The following PLAAT5 variants were observed in gnomAD, a reference collection of about 807,000 sequenced individuals.
The protein encoded by PLAAT5 is Ca(2+)-independent N-acyltransferase.
In PLAAT5, 27 loss-of-function variants were observed where a neutral mutation model predicts 27.8. That is an observed-to-expected ratio of 0.97 (90% confidence interval 0.72 to 1.34). PLAAT5 has a LOEUF of 1.34. Among genes scored for constraint, PLAAT5 ranks in the 40% most tolerant of loss-of-function variants. The pLI is 0.00. For synonymous variants in PLAAT5, 125 were observed against 136.1 expected, an observed-to-expected ratio of 0.92 and a Z score of 0.57; for missense variants, 368 against 343.8, an observed-to-expected ratio of 1.07 and a Z score of -0.56.
At chr11:63,470,341 C>A (rs534357133) in intron 3 of PLAAT5, 218 of 164,688 alleles carry the variant, frequency 1.3e-3, no homozygotes, top group Non-Finnish European at 1.4e-3. Context: ...TGGAGAAAAA[C>A]CCTACAAATG....
At chr11:63,476,765 A>AT (rs997898707) in intron 3 of PLAAT5, among the ~76,000 whole-genome samples, 1 of 151,934 alleles carries the variant, frequency 6.6e-6, no homozygotes, top group Admixed American at 6.6e-5. Flanking sequence ...TTATATAGGT[A>AT]TTTTTTTCTG....
intron 3 of PLAAT5, among the ~76,000 whole-genome samples, chr11:63,468,908 T>C (rs2015938043): frequency 6.6e-6 from 1 of 151,880 alleles, no homozygotes; most frequent in African/African-American, 2.4e-5. Context: ...TGTGTGGACA[T>C]CTAGTAGAGT....
chr11:63,479,268 TGAA>T (rs1394784433), intron 3 of PLAAT5, among the ~76,000 whole-genome samples: 1 of 152,250 alleles, frequency 6.6e-6, no homozygotes, highest in African/African-American at 2.4e-5. Flanking sequence ...TCTCGTCCTT[TGAA>T]GAAGACTAAA....
chr11:63,480,139 C>T (rs1001279685), intron 3 of PLAAT5, among the ~76,000 whole-genome samples: 10 of 152,194 alleles, frequency 6.6e-5, no homozygotes, highest in Non-Finnish European at 1.5e-4. Flanking sequence ...CATCCCTCCA[C>T]CTTGGACATA....
chr11:63,465,194 G>T (rs753739372), intron 5 of PLAAT5, among the ~76,000 whole-genome samples: 1 of 151,930 alleles, frequency 6.6e-6, no homozygotes. Context: ...CAGGAGAATC[G>T]CTTGAACCCA....
chr11:63,477,768 C>T (rs528430385), intron 3 of PLAAT5, among the ~76,000 whole-genome samples: 26 of 152,186 alleles, frequency 1.7e-4, no homozygotes, highest in South Asian at 1.0e-3. Context: ...CCACAGTGCC[C>T]GGCTTCTTGT....
Position 63,462,099 on chromosome 11 carries a change from C to A in PLAAT5, c.*1404G>T, listed in dbSNP as rs745831455. On this transcript the variant is annotated 3_prime_UTR_variant, in exon 6 of 6. Transcript: ENST00000540857. ...GAAAGATTAATATGGTCAATGAGCTCAAAGTCATCTTCAGATTAAAGCATT... is the reference window on the plus strand; with the variant it reads ...GAAAGATTAATATGGTCAATGAGCTAAAAGTCATCTTCAGATTAAAGCATT... 1.3e-5 allele frequency: 2 copies of A among 152,132 alleles called. No homozygotes were observed. The highest frequency in any genetic ancestry group is 1.3e-4 in the Admixed American group (2 of 15,272). 9.4% of individuals were successfully genotyped at this position (152,132 alleles called of 1,614,324 possible).
chr11:63,484,096 ACT>A (rs925663225), intron 3 of PLAAT5, among the ~76,000 whole-genome samples: 16 of 150,484 alleles, frequency 1.1e-4, no homozygotes, highest in African/African-American at 3.9e-4. Flanking sequence ...AGAAATAGAA[ACT>A]CTGAACAGAC....
intron 3 of PLAAT5, among the ~76,000 whole-genome samples, chr11:63,482,305 A>G (rs1310200319): frequency 6.6e-6 from 1 of 152,242 alleles, no homozygotes; most frequent in Non-Finnish European, 1.5e-5. Context: ...ATCCAGGCAC[A>G]TAGTCATCAT....
chr11:63,463,541 C>T lies in PLAAT5; in HGVS notation c.772G>A (p.Val258Ile). 6.2e-7 allele frequency: 1 copy of T among 1,613,892 alleles called. No individual in the cohort carries two copies. Among genetic ancestry groups the T allele is most frequent in the Non-Finnish European group, 8.5e-7 (1 of 1,180,000 alleles). ...AKAAGAVISA[V>I]VDSIKPKPIT... is the part of the protein sequence containing the mutation. ...GGTTTGGGCTTTATGCTATCCACTA[C>T]AGCTGAAATAACTGCTCCAGCAGCC... Residue 258 changes from valine (V) to isoleucine (I), a missense_variant, in exon 6 of 6, where the codon GTA (valine) becomes ATA (isoleucine). Transcript: ENST00000540857.
intron 3 of PLAAT5, among the ~76,000 whole-genome samples, chr11:63,477,681 G>A (rs2016184816): frequency 6.6e-6 from 1 of 152,014 alleles, no homozygotes; most frequent in African/African-American, 2.4e-5. Context: ...CACCATGTTG[G>A]CGAGGCTGGT....
intron 3 of PLAAT5, chr11:63,470,511 T>C (rs2015994822): frequency 6.5e-6 from 1 of 154,566 alleles, no homozygotes; most frequent in Non-Finnish European, 1.5e-5. Context: ...ATCTGAAAAA[T>C]GTGGAAAAGC....
chr11:63,479,252 G>A (rs1280950859), intron 3 of PLAAT5, among the ~76,000 whole-genome samples: 1 of 152,206 alleles, frequency 6.6e-6, no homozygotes, highest in Admixed American at 6.5e-5. Flanking sequence ...GTGGAGGAGA[G>A]CTCTTTCTCG....
intron 1 of PLAAT5, chr11:63,490,677 C>T: frequency 3.2e-6 from 2 of 623,246 alleles, no homozygotes; most frequent in East Asian, 2.8e-5. Flanking sequence ...GCCTCACTTC[C>T]ATATGAGATA....
At chr11:63,478,561 C>T (rs1276624023) in intron 3 of PLAAT5, among the ~76,000 whole-genome samples, 3 of 152,202 alleles carry the variant, frequency 2.0e-5, no homozygotes, top group Non-Finnish European at 4.4e-5. Context: ...GACCTGCCCG[C>T]CTTGGCCTCC....
intron 3 of PLAAT5, among the ~76,000 whole-genome samples, chr11:63,486,805 T>C (rs1169532466): frequency 1.3e-5 from 2 of 152,036 alleles, no homozygotes; most frequent in South Asian, 2.1e-4. Context: ...CCCAAAACTA[T>C]TGAAATAAAA....
intron 3 of PLAAT5, 88 bp downstream of exon 3, chr11:63,488,783 C>T (rs2016495576): frequency 1.2e-6 from 1 of 806,560 alleles, no homozygotes; most frequent in East Asian, 2.7e-5. Context: ...AAAGATTGGA[C>T]ACCCCTAGAA....
Position 63,490,999 on chromosome 11 carries a change from C to G in PLAAT5, c.36G>C (p.Ala12=), listed in dbSNP as rs1373762012. ...GTGGGGGAATCCTAGGGAGGCGGAG[C>G]GCGTACTCCCCCTCGGCGCCCGGGC... The part of the protein sequence containing the change: ...GLSPGAEGEY[A]LRLPRIPPPL... Residue 12 remains alanine (A), a synonymous_variant, in exon 1 of 6, where the codon GCG becomes GCC. Transcript: ENST00000540857. The G allele has an allele frequency of 6.5e-7, 1 of 1,539,060 alleles. No individual in the cohort carries two copies. Among genetic ancestry groups the G allele is most frequent in the Non-Finnish European group, 8.7e-7 (1 of 1,143,514 alleles).
At position 63,466,270 on chromosome 11, in the gene PLAAT5, A is replaced by G; in HGVS notation, c.557T>C (p.Val186Ala). The change falls in exon 5 of 6, where the codon GTC becomes GCC. Residue 186 changes from valine to alanine, a missense_variant. Transcript: ENST00000540857. Reference protein sequence around the residue: ...EDVLHGCSWKVNNKLDGTYLP... With the variant: ...EDVLHGCSWKANNKLDGTYLP... ...GTACGTCCCATCTAGCTTGTTATTG[A>G]CCTTCCAGGAGCAGCCATGCAGCAC... 1 of 1,614,078 alleles carries G rather than the reference A, an allele frequency of 6.2e-7. No homozygotes were observed. The highest frequency in any genetic ancestry group is 1.1e-5 in the South Asian group (1 of 91,072).
Sources: gnomAD v4.1 joint callset for allele counts (sites outside exome capture counted in the v4.1 genomes callset) on GRCh38, gnomAD v4.1.1 for gene constraint, MANE v1.5 for transcripts, NCBI Gene and HGNC (gene_info 2026-07-23, HGNC 2026-07-21) for gene names.